Variants in RELL1 observed in about 807,000 individuals in gnomAD.
RELL1 encodes the protein RELT like 1.
Under a neutral mutation model 23.0 loss-of-function variants are expected in RELL1, and 10 were observed. The observed-to-expected ratio is 0.43, with a 90% CI of 0.27 to 0.74. The LOEUF is 0.74. Ranked by LOEUF, RELL1 falls within the 30% of genes least tolerant of loss-of-function variation. The pLI, the probability that RELL1 is intolerant of heterozygous loss-of-function variation, is 0.19. For synonymous variants in RELL1, 146 were observed against 146.8 expected, an observed-to-expected ratio of 0.99 and a Z score of 0.04; for missense variants, 315 against 364.4, an observed-to-expected ratio of 0.86 and a Z score of 1.10.
rs1375413224 is a variant in RELL1, at chr4:37,673,174, T to C, written c.88+13026A>G. ...ACACCACCAAGCCATCAAGACTATA[T>C]ACTTTTTTTTTCTTTTTTTTTTTTT... On this transcript the variant is annotated intron_variant, in intron 1 of 6. Transcript: ENST00000454158. Among the ~76,000 whole-genome samples the C allele has an allele frequency of 1.1e-4, 14 of 126,386 alleles. No individual in the cohort carries two copies. The East Asian group carries it at 3.1e-3, about 28-fold the overall frequency. The allele number at this position is 126,386 out of a possible 152,430, so 82.9% of individuals were successfully genotyped here.
At chr4:37,637,006 A>T (rs901691323) in intron 4 of RELL1, among the ~76,000 whole-genome samples, 2 of 152,250 alleles carry the variant, frequency 1.3e-5, no homozygotes, top group African/African-American at 2.4e-5. Flanking sequence ...GAGTAAAATA[A>T]TGTTAAATTA....
intron 6 of RELL1, among the ~76,000 whole-genome samples, chr4:37,630,069 T>C (rs1004886235): frequency 8.5e-5 from 13 of 152,104 alleles, no homozygotes; most frequent in African/African-American, 3.1e-4. Flanking sequence ...GCAGTCTGAC[T>C]CCAGGGTTCA....
intron 1 of RELL1, among the ~76,000 whole-genome samples, chr4:37,669,380 C>G (rs1465419745): frequency 7.1e-6 from 1 of 141,694 alleles, no homozygotes; most frequent in African/African-American, 2.6e-5. Context: ...GTCCCCGGCC[C>G]GGCCAGCCGC....
intron 1 of RELL1, among the ~76,000 whole-genome samples, chr4:37,667,848 C>A (rs1023103708): frequency 1.2e-4 from 18 of 151,968 alleles, no homozygotes; most frequent in Non-Finnish European, 8.8e-5. Flanking sequence ...CAGTTGGTTA[C>A]TTCTCAGAAA....
At chr4:37,648,594 C>T (rs1324555872) in intron 2 of RELL1, among the ~76,000 whole-genome samples, 1 of 152,164 alleles carries the variant, frequency 6.6e-6, no homozygotes, top group Non-Finnish European at 1.5e-5. Flanking sequence ...TTCGTCTCCC[C>T]GGTTTTTCTA....
intron 6 of RELL1, among the ~76,000 whole-genome samples, chr4:37,627,230 A>G (rs1719984089): frequency 6.6e-6 from 1 of 152,240 alleles, no homozygotes; most frequent in Non-Finnish European, 1.5e-5. Flanking sequence ...CAATGTTTCC[A>G]ACAGGACACT....
chr4:37,653,824 G>A (rs1469924018), intron 1 of RELL1, among the ~76,000 whole-genome samples: 1 of 152,194 alleles, frequency 6.6e-6, no homozygotes, highest in Non-Finnish European at 1.5e-5. Context: ...CTGTGAGGAA[G>A]CCTAAGCTTC....
intron 6 of RELL1, among the ~76,000 whole-genome samples, chr4:37,624,042 G>A (rs1298610080): frequency 6.6e-6 from 1 of 152,086 alleles, no homozygotes; most frequent in Non-Finnish European, 1.5e-5. Context: ...TACGACTTCC[G>A]AGGGGGTCCC....
chr4:37,590,439 T>C, downstream of RELL1: 1 of 1,611,624 alleles, frequency 6.2e-7, no homozygotes, highest in Non-Finnish European at 8.5e-7. Flanking sequence ...GTACTGCAAA[T>C]ACTGTTCCCC....
chr4:37,669,166 C>T (rs1177803851), intron 1 of RELL1, among the ~76,000 whole-genome samples: 4 of 99,998 alleles, frequency 4.0e-5, no homozygotes, highest in Admixed American at 9.1e-5. Flanking sequence ...CCAGCCGCCC[C>T]GTCCGGGAGG....
chr4:37,659,715 C>G (rs1036742786), intron 1 of RELL1, among the ~76,000 whole-genome samples: 1 of 152,062 alleles, frequency 6.6e-6, no homozygotes, highest in Non-Finnish European at 1.5e-5. Context: ...TTCCACTATT[C>G]CCCAACCTTC....
intron 6 of RELL1, among the ~76,000 whole-genome samples, chr4:37,596,521 A>G (rs1718850889): frequency 6.6e-6 from 1 of 151,532 alleles, no homozygotes. Flanking sequence ...TTTTACAACC[A>G]TACTGTCTTC....
intron 5 of RELL1, among the ~76,000 whole-genome samples, chr4:37,633,480 A>T (rs946450611): frequency 5.0e-5 from 7 of 139,460 alleles, no homozygotes; most frequent in Non-Finnish European, 9.3e-5. Context: ...ATTTCAGCAG[A>T]TTTTTTTTTA....
downstream of RELL1, chr4:37,588,796 A>G (rs1422090704): frequency 3.8e-6 from 5 of 1,309,948 alleles, no homozygotes; most frequent in African/African-American, 5.8e-5. Flanking sequence ...CTTAATTCCT[A>G]CTAATATATC....
rs1226409645 is a variant in RELL1, at chr4:37,611,302, A to T, written c.*2044T>A. On this transcript the variant is annotated 3_prime_UTR_variant, in exon 7 of 7. Transcript: ENST00000454158. ...ATACCCCTAAAAGTCCTATATTGCT[A>T]CTTTCTGGATCTCAGTGAAATTTAT... is the stretch of plus-strand genomic sequence containing the variant. 6.6e-6 allele frequency among the ~76,000 whole-genome samples: 1 copy of T among 152,204 alleles called. No individual in the cohort carries two copies. The highest frequency in any genetic ancestry group is 2.4e-5 in the African/African-American group (1 of 41,446).
chr4:37,642,499 G>A (rs576943044), intron 3 of RELL1, among the ~76,000 whole-genome samples: 127 of 152,240 alleles, frequency 8.3e-4, no homozygotes, highest in Non-Finnish European at 1.4e-3. Context: ...CTTTGGATTA[G>A]GAAAATAGTC....
rs71189095 is a variant in RELL1 at position 37,673,186 on chromosome 4, C to CTTTTTTTTTTTTTTT, written c.88+12999_88+13013dup. On this transcript the variant is annotated intron_variant, in intron 1 of 6. Transcript: ENST00000454158. The stretch of plus-strand genomic sequence containing the variant: ...CATCAAGACTATATACTTTTTTTTT[C>CTTTTTTTTTTTTTTT]TTTTTTTTTTTTTTTTTTTTTGAGA... 2.3e-3 allele frequency among the ~76,000 whole-genome samples: 211 copies of CTTTTTTTTTTTTTTT among 93,190 alleles called. 16 individuals carry two copies. The highest frequency in any genetic ancestry group is 3.1e-3 in the East Asian group (8 of 2,608). The allele number at this position is 93,190 out of a possible 152,430, so 61.1% of individuals were successfully genotyped here.
intron 6 of RELL1, among the ~76,000 whole-genome samples, chr4:37,613,799 T>C (rs1719486054): frequency 6.6e-6 from 1 of 152,234 alleles, no homozygotes; most frequent in African/African-American, 2.4e-5. Flanking sequence ...TTTTAAGTCA[T>C]TCTAACAACT....
intron 1 of RELL1, among the ~76,000 whole-genome samples, chr4:37,661,639 C>A (rs748993537): frequency 2.1e-4 from 32 of 152,206 alleles, no homozygotes; most frequent in Admixed American, 9.2e-4. Flanking sequence ...GAAGAGAAAC[C>A]AAAGCAAATT....
Sources: gnomAD v4.1 joint callset for allele counts (sites outside exome capture counted in the v4.1 genomes callset) on GRCh38, gnomAD v4.1.1 for gene constraint, MANE v1.5 for transcripts, NCBI Gene and HGNC (gene_info 2026-07-23, HGNC 2026-07-21) for gene names.